Variants in PHEX observed in about 807,000 individuals in gnomAD.
PHEX encodes the protein phosphate regulating endopeptidase X-linked, also known as phosphate-regulating neutral endopeptidase PHEX.
In PHEX, 16 loss-of-function variants were observed where a neutral mutation model predicts 68.0. The ratio of observed to expected loss-of-function variants is 0.24; its 90% CI spans 0.16 to 0.36. The LOEUF (loss-of-function observed/expected upper bound fraction) is 0.36. PHEX is among the 10% of genes least tolerant of loss of function. The pLI, the probability that PHEX is intolerant of heterozygous loss-of-function variation, is 1.00. For synonymous variants in PHEX, 208 were observed against 205.1 expected (o/e 1.01, Z -0.12); for missense variants, 480 against 575.5 (o/e 0.83, Z 1.70).
intron 12 of PHEX, among the ~76,000 whole-genome samples, chrX:22,156,819 T>C (rs973868130): frequency 9.0e-6 from 1 of 111,287 alleles, no homozygotes; most frequent in Non-Finnish European, 1.9e-5. Context: ...AATAAAAACA[T>C]TGATTTAAAA....
intron 9 of PHEX, among the ~76,000 whole-genome samples, chrX:22,106,745 G>T (rs1930710408): frequency 9.9e-6 from 1 of 100,579 alleles, no homozygotes; most frequent in Admixed American, 1.1e-4. Flanking sequence ...TTACACTCCA[G>T]CCTGGGTGAC....
intron 13 of PHEX, among the ~76,000 whole-genome samples, chrX:22,173,860 G>A (rs1933617503): frequency 8.9e-6 from 1 of 111,798 alleles, no homozygotes; most frequent in South Asian, 3.7e-4. Flanking sequence ...CACAATTAGT[G>A]CTTCAGTATT....
intron 15 of PHEX, among the ~76,000 whole-genome samples, chrX:22,206,912 T>C (rs113112785): frequency 1.8e-5 from 2 of 112,070 alleles, no homozygotes; most frequent in Admixed American, 1.9e-4. Flanking sequence ...CCCAGACACA[T>C]TGAGGCATTT....
At chrX:22,039,669 GC>G (rs1367198066) in intron 2 of PHEX, among the ~76,000 whole-genome samples, 1 of 112,296 alleles carries the variant, frequency 8.9e-6, no homozygotes, top group Admixed American at 9.4e-5. Context: ...TTGGCTCAGA[GC>G]CGGTACTAGT....
At chrX:22,234,263 G>A (rs1279550849) in intron 20 of PHEX, among the ~76,000 whole-genome samples, 2 of 112,466 alleles carry the variant, frequency 1.8e-5, no homozygotes, top group Admixed American at 9.3e-5. Context: ...CAGGATACAC[G>A]GGGGTCAGGT....
At chrX:22,050,983 G>T (rs1927804089) in intron 3 of PHEX, among the ~76,000 whole-genome samples, 1 of 112,011 alleles carries the variant, frequency 8.9e-6, no homozygotes, top group Admixed American at 9.6e-5. Flanking sequence ...GTTTGTGATT[G>T]TTTTGTGTGC....
chrX:22,037,668 G>A (rs928567399), intron 1 of PHEX, among the ~76,000 whole-genome samples: 7 of 110,714 alleles, frequency 6.3e-5, no homozygotes, highest in African/African-American at 2.0e-4. Context: ...GAAATAGCTG[G>A]AAGCTTGGTC....
chrX:22,104,712 A>G (rs1210130299), intron 9 of PHEX, among the ~76,000 whole-genome samples: 1 of 111,265 alleles, frequency 9.0e-6, no homozygotes, highest in Non-Finnish European at 1.9e-5. Flanking sequence ...TCCTGACTCG[A>G]GGCTGCCTCA....
chrX:22,139,065 C>T (rs1932348658), intron 12 of PHEX, among the ~76,000 whole-genome samples: 2 of 112,248 alleles, frequency 1.8e-5, no homozygotes, highest in African/African-American at 6.5e-5. Flanking sequence ...CCAACTTCTA[C>T]ACCTTATTGA....
At chrX:22,136,362 A>C (rs1932232272) in intron 12 of PHEX, among the ~76,000 whole-genome samples, 1 of 111,517 alleles carries the variant, frequency 9.0e-6, no homozygotes, top group Admixed American at 9.6e-5. Context: ...ATTTGCCTGC[A>C]TTTGAAGTGG....
rs538551214 is a variant in PHEX, at chrX:22,143,865, G to C, written c.1404+10241G>C. Among the ~76,000 whole-genome samples the C allele has an allele frequency of 1.2e-4, 14 of 112,276 alleles. No homozygotes were observed. The South Asian group carries it at 3.3e-3, about 27-fold the overall frequency. ...CTGAACTTTTTGCAATAGCATCGTA[G>C]TGTTTATTCATAGCTGAAATACTAT... On this transcript the variant is annotated intron_variant, in intron 12 of 21. Coordinates refer to ENST00000379374, the MANE Select transcript of PHEX (RefSeq NM_000444.6).
chrX:22,096,937 A>G lies in PHEX; in HGVS notation c.850-18A>G. 1 of 1,160,608 alleles carries G rather than the reference A, an allele frequency of 8.6e-7. No individual in the cohort carries two copies. The highest frequency in any genetic ancestry group is 1.2e-6 in the Non-Finnish European group (1 of 848,720). On this transcript the variant is annotated intron_variant, in intron 7 of 21. Transcript: ENST00000379374. ...ATGGTTCACTTGAAAAAAAATAACA[A>G]AAATCTCTTTTCAACAGATAATGAT... is the stretch of plus-strand genomic sequence containing the variant.
At chrX:22,133,232 G>A (rs957246248) in intron 11 of PHEX, among the ~76,000 whole-genome samples, 1 of 111,168 alleles carries the variant, frequency 9.0e-6, no homozygotes, top group Non-Finnish European at 1.9e-5. Context: ...TGTTGTCCGC[G>A]CTGGTCTCAA....
intron 16 of PHEX, among the ~76,000 whole-genome samples, chrX:22,216,377 G>A (rs1935086232): frequency 8.9e-6 from 1 of 111,924 alleles, no homozygotes; most frequent in African/African-American, 3.2e-5. Flanking sequence ...GGTAGTAAAA[G>A]TGGTGTCTTC....
chrX:22,244,848 C>T (rs897597503), intron 20 of PHEX, among the ~76,000 whole-genome samples: 1 of 111,603 alleles, frequency 9.0e-6, no homozygotes, highest in African/African-American at 3.3e-5. Flanking sequence ...TCGCCATGCC[C>T]AACTTCAAAG....
At chrX:22,090,540 T>A (rs1388481189) in intron 6 of PHEX, 43 bp downstream of exon 6, 1 of 953,871 alleles carries the variant, frequency 1.0e-6, no homozygotes, top group Admixed American at 2.2e-5. Context: ...ACCAGGCTGC[T>A]GTCAGGCCCA....
chrX:22,169,348 A>G lies in PHEX; in HGVS notation c.1482+959A>G, dbSNP rs373033616. 4.5e-5 allele frequency among the ~76,000 whole-genome samples: 5 copies of G among 112,345 alleles called. No homozygotes were observed. The East Asian group carries it at 1.4e-3, about 31-fold the overall frequency. On this transcript the variant is annotated intron_variant, in intron 13 of 21. Coordinates refer to ENST00000379374, the MANE Select transcript of PHEX (RefSeq NM_000444.6). The stretch of plus-strand genomic sequence containing the variant: ...CTCATAGCATCCTAAAACTCAGTCT[A>G]TCTTATTATACACTGTTTTGATGAT...
chrX:22,225,653 A>G (rs973321885), intron 18 of PHEX, among the ~76,000 whole-genome samples: 4 of 112,522 alleles, frequency 3.6e-5, no homozygotes, highest in South Asian at 3.7e-4. Context: ...TGAATTTCAT[A>G]TAAGTAATTT....
At chrX:22,062,430 C>A (rs1344453191) in intron 3 of PHEX, among the ~76,000 whole-genome samples, 1 of 110,981 alleles carries the variant, frequency 9.0e-6, no homozygotes, top group East Asian at 2.8e-4. Context: ...TTTATCTACC[C>A]CAATATATCC....
Sources: allele counts gnomAD v4.1 joint callset (sites outside exome capture counted in the v4.1 genomes callset), GRCh38; gene constraint gnomAD v4.1.1; transcripts MANE v1.5; gene names NCBI Gene and HGNC (gene_info 2026-07-23, HGNC 2026-07-21).